The following STK33 variants were observed in gnomAD, a reference collection of about 807,000 sequenced individuals.
STK33 encodes the protein serine/threonine-protein kinase 33.
In STK33, 52 loss-of-function variants were observed where a neutral mutation model predicts 58.0. That is an observed-to-expected ratio of 0.90 (90% confidence interval 0.72 to 1.13). The LOEUF (loss-of-function observed/expected upper bound fraction) is 1.13, where lower values mean the gene tolerates loss of function less well. STK33 is among the 50% of genes most tolerant of loss of function. STK33 has a pLI of 0.00. For missense variants in STK33, 630 were observed against 604.2 expected (o/e 1.04, Z -0.45); for synonymous variants, 215 against 200.1 (o/e 1.07, Z -0.63).
intron 1 of STK33, among the ~76,000 whole-genome samples, chr11:8,529,536 C>T (rs1458909559): frequency 1.3e-5 from 2 of 152,122 alleles, no homozygotes; most frequent in African/African-American, 2.4e-5. Context: ...AAAAAGCTCA[C>T]CCTCTGACCC....
At chr11:8,391,433 T>C (rs1848622550), downstream of STK33, among the ~76,000 whole-genome samples, 1 of 152,234 alleles carries the variant, frequency 6.6e-6, no homozygotes, top group African/African-American at 2.4e-5. Context: ...ATCACAATAG[T>C]GTCTTCTAAA....
intron 1 of STK33, among the ~76,000 whole-genome samples, chr11:8,540,493 T>C (rs1436155756): frequency 6.6e-6 from 1 of 150,440 alleles, no homozygotes; most frequent in East Asian, 1.9e-4. Context: ...AAAAGACAAA[T>C]AAAATTTTAA....
chr11:8,586,395 C>T (rs1420094793), intron 1 of STK33, among the ~76,000 whole-genome samples: 2 of 152,084 alleles, frequency 1.3e-5, no homozygotes, highest in African/African-American at 2.4e-5. Flanking sequence ...TCTGCTGCTC[C>T]TTCTGCCTCA....
chr11:8,420,537 C>T (rs1475630043), intron 14 of STK33, among the ~76,000 whole-genome samples: 1 of 152,182 alleles, frequency 6.6e-6, no homozygotes, highest in Non-Finnish European at 1.5e-5. Flanking sequence ...AACTACAAAA[C>T]AAGAAAACTA....
intron 9 of STK33, among the ~76,000 whole-genome samples, chr11:8,456,592 G>T (rs1204548372): frequency 6.7e-6 from 1 of 149,542 alleles, no homozygotes; most frequent in Admixed American, 6.7e-5. Flanking sequence ...CTGGAACAAA[G>T]TTTTTGTTCA....
downstream of STK33, among the ~76,000 whole-genome samples, chr11:8,388,739 T>C (rs112340392): frequency 6.6e-6 from 1 of 152,142 alleles, no homozygotes; most frequent in Non-Finnish European, 1.5e-5. Flanking sequence ...CCTCCCAGGT[T>C]CTGTTGGCTG....
chr11:8,441,013 T>C (rs1243132421), intron 11 of STK33, among the ~76,000 whole-genome samples: 4 of 152,190 alleles, frequency 2.6e-5, no homozygotes, highest in Non-Finnish European at 4.4e-5. Context: ...TTTCTTTAAA[T>C]TGTTAAGAAA....
intron 1 of STK33, among the ~76,000 whole-genome samples, chr11:8,523,528 C>T (rs1395055522): frequency 6.6e-6 from 1 of 151,322 alleles, no homozygotes; most frequent in Non-Finnish European, 1.5e-5. Flanking sequence ...GCAGCCGCCC[C>T]GTCTGGGAAG....
At chr11:8,508,370 GTGATCC>G in intron 1 of STK33, among the ~76,000 whole-genome samples, 1 of 146,724 alleles carries the variant, frequency 6.8e-6, no homozygotes, top group East Asian at 2.1e-4. Context: ...CTAGGCTGAA[GTGATCC>G]AACTACCTGA....
At chr11:8,416,538 T>C (rs1164295796) in intron 14 of STK33, among the ~76,000 whole-genome samples, 1 of 152,172 alleles carries the variant, frequency 6.6e-6, no homozygotes, top group Non-Finnish European at 1.5e-5. Context: ...GAGATCATTT[T>C]TTCACAGTTT....
intron 1 of STK33, among the ~76,000 whole-genome samples, chr11:8,590,865 T>C (rs1446628104): frequency 6.6e-6 from 1 of 152,220 alleles, no homozygotes; most frequent in Non-Finnish European, 1.5e-5. Flanking sequence ...TCTTAAGGCA[T>C]ACCAATTTAA....
chr11:8,446,067 G>T (rs1945419643), intron 11 of STK33, among the ~76,000 whole-genome samples: 1 of 152,120 alleles, frequency 6.6e-6, no homozygotes, highest in Non-Finnish European at 1.5e-5. Context: ...TTTGTTATTG[G>T]TGTAGTCAGG....
intron 1 of STK33, among the ~76,000 whole-genome samples, chr11:8,519,832 G>C (rs1426159842): frequency 2.6e-5 from 4 of 152,152 alleles, no homozygotes; most frequent in African/African-American, 9.7e-5. Context: ...AACAGGTTCT[G>C]AAATTGAGGC....
intron 1 of STK33, among the ~76,000 whole-genome samples, chr11:8,495,022 G>A (rs1950944355): frequency 6.6e-6 from 1 of 152,076 alleles, no homozygotes; most frequent in African/African-American, 2.4e-5. Context: ...TACCATTCAG[G>A]ACATAGGCAT....
At chr11:8,449,226 G>A (rs971623659) in intron 11 of STK33, among the ~76,000 whole-genome samples, 10 of 151,574 alleles carry the variant, frequency 6.6e-5, no homozygotes, top group Admixed American at 1.3e-4. Flanking sequence ...ACAGTGTGGC[G>A]ATTCCTCAGT....
intron 1 of STK33, among the ~76,000 whole-genome samples, chr11:8,501,870 A>C (rs1951539133): frequency 6.6e-6 from 1 of 152,216 alleles, no homozygotes. Flanking sequence ...TTATTTGGCC[A>C]CTGATATATA....
Position 8,483,245 on chromosome 11 carries a change from G to A in STK33, c.-465-2631C>T, listed in dbSNP as rs868865662. ...GTCAAGGAAAGGTTCTCCAAGTAGA[G>A]ACACCAGCACATGCAAGGGCCCAGA... On this transcript the variant is annotated intron_variant, in intron 1 of 15. Transcript: ENST00000687296. 3.3e-5 allele frequency among the ~76,000 whole-genome samples: 5 copies of A among 152,244 alleles called. No individual in the cohort carries two copies. The Middle Eastern group carries it at 0.01, about 311-fold the overall frequency.
intron 15 of STK33, among the ~76,000 whole-genome samples, chr11:8,398,535 A>G (rs1849786629): frequency 6.6e-6 from 1 of 152,256 alleles, no homozygotes; most frequent in Non-Finnish European, 1.5e-5. Flanking sequence ...CATCAAGGCT[A>G]GGAAGAAACT....
At chr11:8,371,810 C>T in the STK33 span, among the ~76,000 whole-genome samples, 2 of 141,468 alleles carry the variant, frequency 1.4e-5, no homozygotes, top group African/African-American at 5.1e-5. Context: ...TCTCTCTCTC[C>T]CTCCCTTCCT....
Sources: allele counts gnomAD v4.1 joint callset (sites outside exome capture counted in the v4.1 genomes callset), GRCh38; gene constraint gnomAD v4.1.1; transcripts MANE v1.5; gene names NCBI Gene and HGNC (gene_info 2026-07-23, HGNC 2026-07-21).